The following ST8SIA6 variants were observed in gnomAD, a reference collection of about 807,000 sequenced individuals.
ST8SIA6 encodes alpha-2,8-sialyltransferase 8F.
A neutral mutation model predicts 33.6 loss-of-function variants in ST8SIA6; 39 were observed. The observed-to-expected ratio is 1.16, with a 90% CI of 0.90 to 1.52. The LOEUF (loss-of-function observed/expected upper bound fraction) is 1.52, where lower values mean the gene tolerates loss of function less well. Among genes scored for constraint, ST8SIA6 ranks in the 40% most tolerant of loss-of-function variants. The pLI is 0.00. For missense variants in ST8SIA6, 441 were observed against 443.8 expected (o/e 0.99, Z 0.06); for synonymous variants, 172 against 167.2 (o/e 1.03, Z -0.22).
chr10:17,348,140 A>T (rs898157244), intron 4 of ST8SIA6, among the ~76,000 whole-genome samples: 6 of 151,926 alleles, frequency 3.9e-5, no homozygotes, highest in Admixed American at 6.6e-5. Context: ...AGAAAATGTA[A>T]AGAAACCAAT....
chr10:17,410,658 T>C (rs1418814707), intron 2 of ST8SIA6: 3 of 152,238 alleles, frequency 2.0e-5, no homozygotes, highest in Non-Finnish European at 4.4e-5. Context: ...GCATGAGGTA[T>C]TGCAAGATGG....
rs926678469 is a variant in ST8SIA6 at position 17,325,209 on chromosome 10, TATA to T, written c.635+1802_635+1804del. On this transcript the variant is annotated intron_variant, in intron 6 of 7. Transcript: ENST00000377602. ...TACATATTATACGTATATAATTACA[TATA>T]ATACTGTATTATATAGTATATTATA... Among the ~76,000 whole-genome samples the T allele has an allele frequency of 6.3e-5, 9 of 142,654 alleles. 1 individual carries two copies. In the South Asian group the frequency reaches 1.3e-3, roughly 21 times the overall value. The allele number at this position is 142,654 out of a possible 152,430, so 93.6% of individuals were successfully genotyped here. A position where few individuals can be genotyped will look rare whatever the true frequency, so the allele number is the denominator to read the frequency against.
In ST8SIA6 at chr10:17,453,551, C is replaced by A; in HGVS notation, c.200+8G>T. 1 of 1,312,228 alleles carries A rather than the reference C, an allele frequency of 7.6e-7. No individual in the cohort carries two copies. The highest frequency in any genetic ancestry group is 9.8e-7 in the Non-Finnish European group (1 of 1,022,654). 81.3% of individuals were successfully genotyped at this position (1,312,228 alleles called of 1,614,324 possible). A position where few individuals can be genotyped will look rare whatever the true frequency, so the allele number is the denominator to read the frequency against. On this transcript the variant is annotated splice_region_variant and intron_variant, in intron 2 of 7. Coordinates refer to ENST00000377602, the MANE Select transcript of ST8SIA6 (RefSeq NM_001004470.3). Reference sequence around the variant, plus strand: ...GCCCCAGTCCGCCCGCGCTGGGCGCCGCTGTACCTGTTAGTGGCGCGCGGT... The same window carrying A: ...GCCCCAGTCCGCCCGCGCTGGGCGCAGCTGTACCTGTTAGTGGCGCGCGGT...
At chr10:17,420,264 T>C (rs1851738377) in intron 2 of ST8SIA6, among the ~76,000 whole-genome samples, 1 of 151,992 alleles carries the variant, frequency 6.6e-6, no homozygotes, top group South Asian at 2.1e-4. Flanking sequence ...TACAAAAAAT[T>C]AGCTGGGTGT....
intron 2 of ST8SIA6, among the ~76,000 whole-genome samples, chr10:17,419,399 G>C (rs1851708831): frequency 6.6e-6 from 1 of 152,136 alleles, no homozygotes; most frequent in Admixed American, 6.6e-5. Flanking sequence ...GGGCATGGCA[G>C]TGTGTGCCTG....
At chr10:17,368,124 A>C (rs1588847382) in intron 3 of ST8SIA6, among the ~76,000 whole-genome samples, 1 of 151,168 alleles carries the variant, frequency 6.6e-6, no homozygotes, top group South Asian at 2.1e-4. Context: ...CGCCAGGCGC[A>C]GTGGCTCACG....
At chr10:17,340,292 T>C (rs1197610877) in intron 4 of ST8SIA6, among the ~76,000 whole-genome samples, 1 of 151,934 alleles carries the variant, frequency 6.6e-6, no homozygotes, top group Non-Finnish European at 1.5e-5. Flanking sequence ...GTCACCCTGG[T>C]CACCTGTTCC....
intron 3 of ST8SIA6, among the ~76,000 whole-genome samples, chr10:17,363,616 A>G (rs1849465917): frequency 6.6e-6 from 1 of 152,156 alleles, no homozygotes; most frequent in Admixed American, 6.6e-5. Flanking sequence ...TCTTATTAAT[A>G]TGCTGGAGTT....
In ST8SIA6 at chr10:17,323,109, A is replaced by G. The variant is rs1848009085; in HGVS notation, c.684T>C (p.Ser228=). 2 of 1,613,818 alleles carry G rather than the reference A, an allele frequency of 1.2e-6. No individual in the cohort carries two copies. The highest frequency in any genetic ancestry group is 1.7e-6 in the Non-Finnish European group (2 of 1,179,842). ...TTGDVSKDVG[S]KTNLVTINPS... Reference sequence around the variant, plus strand: ...GATTTATAGTCACAAGATTTGTTTTACTGCCAACATCTTTACTAACATCTC... The same window carrying G: ...GATTTATAGTCACAAGATTTGTTTTGCTGCCAACATCTTTACTAACATCTC... The change falls in exon 7 of 8, where the codon AGT becomes AGC. Residue 228 remains serine, a synonymous_variant. Transcript: ENST00000377602.
chr10:17,363,793 G>A (rs61842070), intron 3 of ST8SIA6, among the ~76,000 whole-genome samples: 25,398 of 152,106 alleles, frequency 0.17, 2,248 homozygotes, highest in South Asian at 0.21. Context: ...CACCCAAGCT[G>A]ATAGTAAAAC....
intron 2 of ST8SIA6, among the ~76,000 whole-genome samples, chr10:17,418,835 A>G (rs1315989156): frequency 1.3e-5 from 2 of 151,996 alleles, no homozygotes; most frequent in East Asian, 3.9e-4. Context: ...TCTACTAAAA[A>G]TACAAAAATT....
At chr10:17,431,109 A>G (rs545934786) in intron 2 of ST8SIA6, among the ~76,000 whole-genome samples, 4 of 152,322 alleles carry the variant, frequency 2.6e-5, no homozygotes, top group South Asian at 2.1e-4. Flanking sequence ...ACAAAGGCAA[A>G]GCCTCATTAG....
intron 2 of ST8SIA6, among the ~76,000 whole-genome samples, chr10:17,430,958 T>A (rs945508075): frequency 1.3e-5 from 2 of 152,174 alleles, no homozygotes; most frequent in Non-Finnish European, 2.9e-5. Context: ...CCAAACCCCT[T>A]TCCTTTCCCT....
chr10:17,354,780 C>T (rs10508522), intron 4 of ST8SIA6, among the ~76,000 whole-genome samples: 25,706 of 152,016 alleles, frequency 0.17, 2,510 homozygotes, highest in East Asian at 0.49. Flanking sequence ...TACATTAGTC[C>T]ATGTGGAAGG....
At chr10:17,422,960 T>G (rs1382414202) in intron 2 of ST8SIA6, among the ~76,000 whole-genome samples, 1 of 152,334 alleles carries the variant, frequency 6.6e-6, no homozygotes, top group Non-Finnish European at 1.5e-5. Context: ...AATTTCACTT[T>G]GAATACAGCC....
chr10:17,406,285 T>C (rs1418547151), intron 2 of ST8SIA6, among the ~76,000 whole-genome samples: 3 of 152,214 alleles, frequency 2.0e-5, no homozygotes, highest in African/African-American at 4.8e-5. Flanking sequence ...TACAACCTTT[T>C]ATCAGCTCAG....
At chr10:17,337,605 T>C (rs1163835714) in intron 4 of ST8SIA6, among the ~76,000 whole-genome samples, 3 of 152,196 alleles carry the variant, frequency 2.0e-5, no homozygotes, top group Non-Finnish European at 2.9e-5. Flanking sequence ...TTCCAGCTCA[T>C]CCATGTGCCA....
chr10:17,341,040 G>C lies in ST8SIA6; in HGVS notation c.378-9488C>G, dbSNP rs138665812. ...AGAGAAAGAATACTTTGGTATTACA[G>C]GTTGAGAACAAGACATCTCTGGTTA... On this transcript the variant is annotated intron_variant, in intron 4 of 7. Coordinates refer to ENST00000377602, the MANE Select transcript of ST8SIA6 (RefSeq NM_001004470.3). Among the ~76,000 whole-genome samples the C allele has an allele frequency of 2.8e-3, 422 of 152,298 alleles. 5 individuals are homozygous for C. Among genetic ancestry groups the C allele is most frequent in the African/African-American group, 9.9e-3 (411 of 41,572 alleles).
At chr10:17,395,443 G>A (rs1187675982) in intron 2 of ST8SIA6, among the ~76,000 whole-genome samples, 1 of 152,046 alleles carries the variant, frequency 6.6e-6, no homozygotes, top group Non-Finnish European at 1.5e-5. Context: ...AAAAGAAGAG[G>A]ACTCAGTAGG....
Sources: allele counts gnomAD v4.1 joint callset (sites outside exome capture counted in the v4.1 genomes callset), GRCh38; gene constraint gnomAD v4.1.1; transcripts MANE v1.5; gene names NCBI Gene and HGNC (gene_info 2026-07-23, HGNC 2026-07-21).